Variants in CADM2 observed in about 807,000 individuals in gnomAD.
CADM2 encodes immunoglobulin superfamily member 4D.
In CADM2, 12 loss-of-function variants were observed where a neutral mutation model predicts 49.8. The ratio of observed to expected loss-of-function variants is 0.24; its 90% CI spans 0.15 to 0.39. The LOEUF (loss-of-function observed/expected upper bound fraction) is 0.39, where lower values mean the gene tolerates loss of function less well. Ranked by LOEUF, CADM2 falls within the 10% of genes least tolerant of loss-of-function variation. The probability of loss-of-function intolerance (pLI) is 1.00; values close to 1 mark genes in which losing one functional copy is unlikely to be tolerated. For missense variants in CADM2, 378 were observed against 492.3 expected (o/e 0.77, Z 2.20); for synonymous variants, 214 against 175.4 (o/e 1.22, Z -1.74).
chr3:85,602,437 A>G (rs183857081), intron 1 of CADM2, among the ~76,000 whole-genome samples: 265 of 151,964 alleles, frequency 1.7e-3, no homozygotes, highest in Non-Finnish European at 2.7e-3. Context: ...CTCTTCACCC[A>G]TTCTTGCAAA....
At chr3:85,991,197 ACTATGGCCATCCTTTATTCAAC>A (rs1358321327) in intron 8 of CADM2, among the ~76,000 whole-genome samples, 44 of 152,170 alleles carry the variant, frequency 2.9e-4, no homozygotes, top group Non-Finnish European at 5.0e-4. Context: ...TTATTTTTGC[ACTATGGCCATCCTTTATTCAAC>A]CTACTGTATA....
chr3:85,062,141 T>C (rs1339496896), intron 1 of CADM2, among the ~76,000 whole-genome samples: 4 of 151,426 alleles, frequency 2.6e-5, no homozygotes, highest in African/African-American at 9.7e-5. Context: ...AAACTCTTGC[T>C]TCCGGTACAC....
At chr3:85,903,312 T>G (rs114979127) in intron 5 of CADM2, among the ~76,000 whole-genome samples, 1 of 152,120 alleles carries the variant, frequency 6.6e-6, no homozygotes, top group Admixed American at 6.6e-5. Context: ...TGGTGCTTTT[T>G]TTTTTCCTTT....
intron 2 of CADM2, among the ~76,000 whole-genome samples, chr3:85,774,706 T>C (rs903666981): frequency 2.0e-5 from 3 of 151,690 alleles, no homozygotes; most frequent in Non-Finnish European, 3.0e-5. Flanking sequence ...TGAAAGATTA[T>C]GAAGTCTGCT....
intron 2 of CADM2, among the ~76,000 whole-genome samples, chr3:85,744,539 AAAT>A (rs1268704634): frequency 6.6e-6 from 1 of 152,048 alleles, no homozygotes; most frequent in Admixed American, 6.6e-5. Flanking sequence ...AATAATAAAT[AAAT>A]AAATAAATAA....
chr3:85,452,044 T>C (rs1305243096), intron 1 of CADM2, among the ~76,000 whole-genome samples: 1 of 152,122 alleles, frequency 6.6e-6, no homozygotes, highest in African/African-American at 2.4e-5. Flanking sequence ...CCTGAAATCA[T>C]TTACATTCTG....
intron 1 of CADM2, among the ~76,000 whole-genome samples, chr3:85,667,084 T>TTTCCTGG (rs1321332476): frequency 6.6e-6 from 1 of 151,994 alleles, no homozygotes; most frequent in Non-Finnish European, 1.5e-5. Flanking sequence ...CCATCTTAGA[T>TTTCCTGG]TTCCTGGTAA....
chr3:85,252,291 A>G (rs1232360894), intron 1 of CADM2, among the ~76,000 whole-genome samples: 1 of 151,990 alleles, frequency 6.6e-6, no homozygotes, highest in Non-Finnish European at 1.5e-5. Context: ...TGGAGGTCAT[A>G]ATTAAAATCC....
At chr3:85,008,133 C>T (rs540662923) in intron 1 of CADM2, among the ~76,000 whole-genome samples, 1 of 152,276 alleles carries the variant, frequency 6.6e-6, no homozygotes, top group East Asian at 1.9e-4. Context: ...ATTATGTCTG[C>T]AGTTGGCACC....
chr3:85,401,744 G>A (rs1326773303), intron 1 of CADM2, among the ~76,000 whole-genome samples: 1 of 152,080 alleles, frequency 6.6e-6, no homozygotes, highest in African/African-American at 2.4e-5. Context: ...ACAAAGGAAA[G>A]AGGGGACCTT....
chr3:85,034,909 TCTC>T (rs1274362144), intron 1 of CADM2, among the ~76,000 whole-genome samples: 5 of 150,366 alleles, frequency 3.3e-5, no homozygotes, highest in African/African-American at 9.8e-5. Flanking sequence ...TTCAAGCAAT[TCTC>T]CTGCTTCAGC....
At chr3:85,082,080 GTTA>G (rs2037186373) in intron 1 of CADM2, among the ~76,000 whole-genome samples, 1 of 152,080 alleles carries the variant, frequency 6.6e-6, no homozygotes, top group Non-Finnish European at 1.5e-5. Context: ...ATAGAAAATT[GTTA>G]TTATTAGCTC....
intron 1 of CADM2, among the ~76,000 whole-genome samples, chr3:85,219,172 T>A (rs1305831747): frequency 6.6e-6 from 1 of 152,210 alleles, no homozygotes; most frequent in Admixed American, 6.5e-5. Context: ...AATAGTATGA[T>A]CCAACACTCC....
intron 1 of CADM2, among the ~76,000 whole-genome samples, chr3:85,599,823 C>T (rs890583346): frequency 1.6e-4 from 24 of 151,080 alleles, no homozygotes; most frequent in African/African-American, 5.6e-4. Context: ...TATAATTGAC[C>T]CTCTTAGATA....
At chr3:85,097,633 CTATTTCTAAGAGTTTT>C (rs1301209851) in intron 1 of CADM2, among the ~76,000 whole-genome samples, 1 of 152,128 alleles carries the variant, frequency 6.6e-6, no homozygotes. Context: ...AAAAGTGTTC[CTATTTCTAAGAGTTTT>C]TAGTATGTAT....
At chr3:85,013,561 A>T (rs940437320) in intron 1 of CADM2, among the ~76,000 whole-genome samples, 6 of 151,792 alleles carry the variant, frequency 4.0e-5, no homozygotes, top group African/African-American at 1.4e-4. Context: ...TATTTTGAGG[A>T]TACTGTATTT....
At chr3:85,846,584 A>G (rs1314462441) in intron 3 of CADM2, among the ~76,000 whole-genome samples, 2 of 152,160 alleles carry the variant, frequency 1.3e-5, no homozygotes, top group Non-Finnish European at 2.9e-5. Context: ...TTCAAGATTA[A>G]GGCTATGTGT....
intron 1 of CADM2, among the ~76,000 whole-genome samples, chr3:85,033,372 T>C (rs1039701898): frequency 5.3e-5 from 8 of 152,186 alleles, no homozygotes; most frequent in African/African-American, 1.2e-4. Context: ...TTTTCTTTCA[T>C]AGAGACAGAT....
At chr3:85,415,218 T>A (rs1255821035) in intron 1 of CADM2, among the ~76,000 whole-genome samples, 5 of 152,142 alleles carry the variant, frequency 3.3e-5, no homozygotes, top group Non-Finnish European at 7.4e-5. Flanking sequence ...TTAATAAGCA[T>A]TTACTTATGA....
Sources: gnomAD v4.1 joint callset for allele counts (sites outside exome capture counted in the v4.1 genomes callset) on GRCh38, gnomAD v4.1.1 for gene constraint, MANE v1.5 for transcripts, NCBI Gene and HGNC (gene_info 2026-07-23, HGNC 2026-07-21) for gene names.